The following GPATCH1 variants were observed in gnomAD, a reference collection of about 807,000 sequenced individuals.
GPATCH1 encodes the protein G patch domain-containing protein 1.
In GPATCH1, 73 loss-of-function variants were observed where a neutral mutation model predicts 114.9. The observed-to-expected ratio is 0.64, with a 90% CI of 0.53 to 0.77. GPATCH1 has a LOEUF of 0.77. GPATCH1 is among the 30% of genes least tolerant of loss of function. GPATCH1 has a pLI of 0.00. For missense variants in GPATCH1, 1,058 were observed against 1,144.3 expected, an observed-to-expected ratio of 0.92 and a Z score of 1.09; for synonymous variants, 391 against 428.4, an observed-to-expected ratio of 0.91 and a Z score of 1.08.
intron 8 of GPATCH1, among the ~76,000 whole-genome samples, chr19:33,099,901 G>T (rs1972706242): frequency 6.6e-6 from 1 of 151,642 alleles, no homozygotes; most frequent in African/African-American, 2.4e-5. Context: ...CTCCCAAGGA[G>T]CTGGGATTAC....
intron 8 of GPATCH1, among the ~76,000 whole-genome samples, chr19:33,100,784 T>C (rs1217421966): frequency 6.6e-6 from 1 of 151,884 alleles, no homozygotes; most frequent in Non-Finnish European, 1.5e-5. Context: ...AAGGGGCTTT[T>C]TTTTTTTTTC....
At chr19:33,095,717 A>G (rs1459768578) in intron 5 of GPATCH1, 45 bp from the exon 6 acceptor site, 2 of 1,381,282 alleles carry the variant, frequency 1.4e-6, no homozygotes, top group South Asian at 1.2e-5. Context: ...GGGGTTTTCT[A>G]TTTGTAGTCA....
intron 11 of GPATCH1, among the ~76,000 whole-genome samples, chr19:33,110,957 C>CAA (rs969937473): frequency 7.7e-6 from 1 of 130,080 alleles, no homozygotes; most frequent in Non-Finnish European, 1.7e-5. Context: ...CTGCCTCTAC[C>CAA]AAAAAAAAAA....
chr19:33,130,312 G>C lies in GPATCH1; in HGVS notation c.*152G>C. On this transcript the variant is annotated 3_prime_UTR_variant, in exon 20 of 20. Coordinates refer to ENST00000170564, the MANE Select transcript of GPATCH1 (RefSeq NM_018025.3). Reference sequence around the variant, plus strand: ...ACCTTGACATTTCAAAGACTGCCTTGAAAGGTCGCAGAAATTGATTTCTAT... The same window carrying C: ...ACCTTGACATTTCAAAGACTGCCTTCAAAGGTCGCAGAAATTGATTTCTAT... The C allele has an allele frequency of 2.1e-6, 1 of 486,352 alleles. No individual in the cohort carries two copies. Among genetic ancestry groups the C allele is most frequent in the East Asian group, 3.2e-5 (1 of 31,508 alleles). The allele number at this position is 486,352 out of a possible 1,614,324, so 30.1% of individuals were successfully genotyped here. A position where few individuals can be genotyped will look rare whatever the true frequency, so the allele number is the denominator to read the frequency against.
At position 33,088,143 on chromosome 19, in the gene GPATCH1, C is replaced by T. The variant is rs1213175430; in HGVS notation, c.83C>T (p.Pro28Leu). The T allele has an allele frequency of 7.1e-7, 1 of 1,408,508 alleles. No homozygotes were observed. Among genetic ancestry groups the T allele is most frequent in the Admixed American group, 2.5e-5 (1 of 40,812 alleles). The allele number at this position is 1,408,508 out of a possible 1,614,324, so 87.3% of individuals were successfully genotyped here. A position where few individuals can be genotyped will look rare whatever the true frequency, so the allele number is the denominator to read the frequency against. The change falls in exon 2 of 20, where the codon CCA (proline) becomes CTA (leucine). Residue 28 changes from proline (P) to leucine (L), a missense_variant. By Grantham distance (98) the Pro-to-Leu change is moderately conservative. Around this residue, in one of 3 missense-constraint regions of GPATCH1, gnomAD observed 131 missense variants for 107.2 expected, o/e 1.22. Transcript: ENST00000170564. ...TTTTTTTTTTTTTTAGGTGAAAGACCAAAGAAACCAATCCCTCTTCAGGAT... is the reference window on the plus strand; with the variant it reads ...TTTTTTTTTTTTTTAGGTGAAAGACTAAAGAAACCAATCCCTCTTCAGGAT... ...GLEPLEEGER[P>L]KKPIPLQDQT...
In GPATCH1 at chr19:33,125,192, A is replaced by C. The variant is rs1339454435; in HGVS notation, c.2609A>C (p.Lys870Thr). Reference sequence around the variant, plus strand: ...AAGGCCAAGAAAGAGCACAGGCGGAAGAAAGAGAAGGTGAGAGACTTGTGT... The same window carrying C: ...AAGGCCAAGAAAGAGCACAGGCGGACGAAAGAGAAGGTGAGAGACTTGTGT... ...KHKAKKEHRR[K>T]KEKKKKHRKH... is the part of the protein sequence containing the mutation. The change falls in exon 18 of 20, where the codon AAG becomes ACG. Residue 870 changes from lysine to threonine, a missense_variant. Physicochemically the swap from Lys to Thr is moderately conservative, Grantham distance 78. This residue lies in a region of GPATCH1 where 893 missense variants were observed against 977.4 expected (regional missense o/e 0.91). Transcript: ENST00000170564. 3 of 1,592,822 alleles carry C rather than the reference A, an allele frequency of 1.9e-6. No individual in the cohort carries two copies. The highest frequency in any genetic ancestry group is 2.6e-6 in the Non-Finnish European group (3 of 1,169,720).
intron 13 of GPATCH1, 187 bp downstream of exon 13, chr19:33,112,800 C>A (rs556900014): frequency 1.8e-4 from 86 of 473,604 alleles, no homozygotes; most frequent in Admixed American, 2.8e-4. Context: ...GTTACTAAAA[C>A]AAAATCTGGA....
intron 1 of GPATCH1, 82 bp downstream of exon 1, chr19:33,081,348 C>T (rs929437054): frequency 4.2e-5 from 49 of 1,177,128 alleles, no homozygotes; most frequent in Non-Finnish European, 5.4e-5. Flanking sequence ...CAAGTCGGTG[C>T]TGGACCATTG....
intron 5 of GPATCH1, among the ~76,000 whole-genome samples, chr19:33,095,077 G>T (rs1972640261): frequency 6.6e-6 from 1 of 152,022 alleles, no homozygotes; most frequent in Non-Finnish European, 1.5e-5. Context: ...TGAGGTGGGA[G>T]GATGGCTTTA....
chr19:33,129,499 G>T (rs919519118), intron 19 of GPATCH1, among the ~76,000 whole-genome samples: 3 of 152,050 alleles, frequency 2.0e-5, no homozygotes, highest in Admixed American at 6.6e-5. Flanking sequence ...TCATGCAACG[G>T]ATGCGGTAGG....
rs1473929480 is a variant in GPATCH1 at position 33,088,235 on chromosome 19, G to T, written c.175G>T (p.Ala59Ser). The part of the protein sequence containing the change: ...FHGAFSGGFS[A>S]GYFNTVGSKE... ...CGGGGCCTTTAGTGGAGGTTTCTCTGCTGGATACTTCAATACTGTTGGCTC... is the reference window on the plus strand; with the variant it reads ...CGGGGCCTTTAGTGGAGGTTTCTCTTCTGGATACTTCAATACTGTTGGCTC... The change falls in exon 2 of 20, where the codon GCT becomes TCT. Residue 59 changes from alanine (A) to serine (S), a missense_variant. Ala to Ser is a moderately conservative substitution (Grantham distance 99). Around this residue, in one of 3 missense-constraint regions of GPATCH1, gnomAD observed 131 missense variants for 107.2 expected, o/e 1.22. Coordinates refer to ENST00000170564, the MANE Select transcript of GPATCH1 (RefSeq NM_018025.3). 1.2e-6 allele frequency: 2 copies of T among 1,606,688 alleles called. No individual in the cohort carries two copies. The highest frequency in any genetic ancestry group is 1.7e-6 in the Non-Finnish European group (2 of 1,176,022).
chr19:33,127,517 A>T (rs995587632), intron 19 of GPATCH1, among the ~76,000 whole-genome samples: 2 of 125,346 alleles, frequency 1.6e-5, no homozygotes, highest in African/African-American at 7.3e-5. Context: ...CTCTTGTCTC[A>T]ATAAAAAAAA....
intron 17 of GPATCH1, among the ~76,000 whole-genome samples, chr19:33,121,320 C>CTTT (rs534893516): frequency 3.2e-5 from 4 of 124,536 alleles, no homozygotes; most frequent in East Asian, 2.2e-4. Flanking sequence ...CTTTTCTTTT[C>CTTT]TTTTTTTTTT....
At chr19:33,091,761 GA>G (rs1006655185) in intron 3 of GPATCH1, among the ~76,000 whole-genome samples, 6 of 151,820 alleles carry the variant, frequency 4.0e-5, no homozygotes, top group East Asian at 1.9e-4. Context: ...AAAGTTGAAG[GA>G]AAAAAAAGAT....
chr19:33,127,020 A>G (rs2145343628), intron 19 of GPATCH1, among the ~76,000 whole-genome samples: 1 of 151,998 alleles, frequency 6.6e-6, no homozygotes, highest in Middle Eastern at 3.4e-3. Context: ...CTGTGCCTCC[A>G]GCTATTTGGG....
chr19:33,103,327 C>T (rs1012754614), intron 9 of GPATCH1, among the ~76,000 whole-genome samples: 3 of 152,110 alleles, frequency 2.0e-5, no homozygotes, highest in Non-Finnish European at 2.9e-5. Flanking sequence ...AGGACAGTGT[C>T]GGGCATACAG....
At position 33,113,725 on chromosome 19, in the gene GPATCH1, C is replaced by T. The variant is rs374745006; in HGVS notation, c.1893-42C>T. On this transcript the variant is annotated intron_variant, in intron 13 of 19. Transcript: ENST00000170564. Reference sequence around the variant, plus strand: ...AAGCTTTTCAGGAGGTGGATTTTGTCCTACTGGTTGTTACTAAAATGATTC... The same window carrying T: ...AAGCTTTTCAGGAGGTGGATTTTGTTCTACTGGTTGTTACTAAAATGATTC... 282 of 1,590,154 alleles carry T rather than the reference C, an allele frequency of 1.8e-4. 2 individuals carry two copies. The Middle Eastern group carries it at 3.3e-3, about 19-fold the overall frequency.
At chr19:33,096,010 G>A (rs1972654120) in intron 6 of GPATCH1, among the ~76,000 whole-genome samples, 190 bp downstream of exon 6, 1 of 152,168 alleles carries the variant, frequency 6.6e-6, no homozygotes, top group Non-Finnish European at 1.5e-5. Flanking sequence ...AGATACCCAG[G>A]TCTGTTCAGC....
intron 3 of GPATCH1, among the ~76,000 whole-genome samples, chr19:33,091,453 G>T (rs1435577161): frequency 1.4e-5 from 2 of 143,212 alleles, no homozygotes; most frequent in Non-Finnish European, 3.0e-5. Context: ...AGCCTCTATT[G>T]CCTCAAAAGC....
Sources: allele counts gnomAD v4.1 joint callset (sites outside exome capture counted in the v4.1 genomes callset), GRCh38; gene constraint gnomAD v4.1.1; regional missense constraint gnomAD v4.1.1; transcripts MANE v1.5; gene names NCBI Gene and HGNC (gene_info 2026-07-23, HGNC 2026-07-21).